HMCN1: variants seen among roughly 807,000 people sequenced by gnomAD.
HMCN1 encodes the protein hemicentin 1.
HMCN1 carries 321 observed loss-of-function variants against 625.9 expected under a neutral mutation model. The ratio of observed to expected loss-of-function variants is 0.51; its 90% confidence interval spans 0.47 to 0.56. HMCN1 has a LOEUF of 0.56. Among genes scored for constraint, HMCN1 ranks in the 20% least tolerant of loss-of-function variants. The pLI, the probability that HMCN1 is intolerant of heterozygous loss-of-function variation, is 0.00. For synonymous variants in HMCN1, 2,425 were observed against 2,417.6 expected (o/e 1.00, Z -0.09); for missense variants, 6,588 against 6,887.3 (o/e 0.96, Z 1.54).
At chr1:186,037,380 T>G (rs1182217979) in intron 36 of HMCN1, among the ~76,000 whole-genome samples, 1 of 152,164 alleles carries the variant, frequency 6.6e-6, no homozygotes, top group Non-Finnish European at 1.5e-5. Context: ...ATCAGCATTA[T>G]CAGTAATTAC....
Position 185,982,242 on chromosome 1 carries a change from T to C in HMCN1, c.2663-20T>C, listed in dbSNP as rs1362304993. On this transcript the variant is annotated intron_variant, in intron 17 of 106. Transcript: ENST00000271588. ...TGGGTGAAATAGAGTTGAAAGTGCC[T>C]GTGCTCTCTCTTGATTTAGTTGCTC... 8 of 1,613,462 alleles carry C rather than the reference T, an allele frequency of 5.0e-6. No homozygotes were observed. The South Asian group carries it at 6.6e-5, about 13-fold the overall frequency.
intron 4 of HMCN1, among the ~76,000 whole-genome samples, chr1:185,867,252 T>C (rs1457594657): frequency 6.6e-6 from 1 of 152,140 alleles, no homozygotes; most frequent in African/African-American, 2.4e-5. Context: ...GACTCAGAAA[T>C]TCCTGGGAAG....
chr1:185,811,691 A>G lies in HMCN1; in HGVS notation c.269-34335A>G, dbSNP rs539373821. Reference sequence around the variant, plus strand: ...TGGTTTTTAAGCTAGGAGACTGGAAAGAAAGAAAAGGCAGTCTTATTTCTC... The same window carrying G: ...TGGTTTTTAAGCTAGGAGACTGGAAGGAAAGAAAAGGCAGTCTTATTTCTC... On this transcript the variant is annotated intron_variant, in intron 1 of 106. Coordinates refer to ENST00000271588, the MANE Select transcript of HMCN1 (RefSeq NM_031935.3). Among the ~76,000 whole-genome samples, 11 of 152,094 alleles carry G rather than the reference A, an allele frequency of 7.2e-5. No homozygotes were observed. In the East Asian group the frequency reaches 2.1e-3, roughly 29 times the overall value.
chr1:186,007,968 T>C (rs1177267742), intron 30 of HMCN1, among the ~76,000 whole-genome samples: 1 of 152,110 alleles, frequency 6.6e-6, no homozygotes, highest in Non-Finnish European at 1.5e-5. Context: ...CTTTCCATGG[T>C]GTATGATGCT....
chr1:185,996,888 A>G (rs1487511176), intron 24 of HMCN1, among the ~76,000 whole-genome samples: 1 of 152,154 alleles, frequency 6.6e-6, no homozygotes, highest in Admixed American at 6.6e-5. Flanking sequence ...CAAAATGAGT[A>G]CAAGTAATGA....
At chr1:185,746,904 G>A (rs531430618) in intron 1 of HMCN1, among the ~76,000 whole-genome samples, 1 of 152,174 alleles carries the variant, frequency 6.6e-6, no homozygotes, top group African/African-American at 2.4e-5. Context: ...ACCGCAACCA[G>A]CCAAATTTTC....
intron 93 of HMCN1, 31 bp from the exon 94 acceptor site, chr1:186,151,169 T>C: frequency 6.2e-7 from 1 of 1,612,284 alleles, no homozygotes; most frequent in Non-Finnish European, 8.5e-7. Flanking sequence ...ATTGCATCCT[T>C]ATCCAGGAAT....
At chr1:185,941,854 A>C (rs1668096452) in intron 11 of HMCN1, among the ~76,000 whole-genome samples, 1 of 152,186 alleles carries the variant, frequency 6.6e-6, no homozygotes, top group Non-Finnish European at 1.5e-5. Flanking sequence ...CTTTAAATAG[A>C]ACTTATAAGG....
At chr1:185,821,214 G>A (rs534460707) in intron 1 of HMCN1, among the ~76,000 whole-genome samples, 2 of 152,152 alleles carry the variant, frequency 1.3e-5, no homozygotes, top group African/African-American at 4.8e-5. Flanking sequence ...GCACCTCTCT[G>A]TAAAGACCAC....
intron 1 of HMCN1, among the ~76,000 whole-genome samples, chr1:185,744,697 A>T (rs1444343789): frequency 1.3e-5 from 2 of 152,206 alleles, no homozygotes; most frequent in East Asian, 3.9e-4. Flanking sequence ...CTGAATTAAG[A>T]TGGTGGTGGT....
intron 102 of HMCN1, 46 bp downstream of exon 102, chr1:186,172,177 C>T: frequency 1.9e-6 from 3 of 1,609,206 alleles, no homozygotes; most frequent in Non-Finnish European, 2.6e-6. Flanking sequence ...TTGCCGTCAA[C>T]AAGTCAAGTA....
chr1:186,053,239 T>A (rs530245418), intron 43 of HMCN1, among the ~76,000 whole-genome samples, 165 bp downstream of exon 43: 2 of 152,236 alleles, frequency 1.3e-5, no homozygotes, highest in African/African-American at 4.8e-5. Context: ...GTGATACTTC[T>A]ACACTTCCCA....
intron 91 of HMCN1, among the ~76,000 whole-genome samples, 157 bp from the exon 92 acceptor site, chr1:186,145,246 C>G (rs1353951569): frequency 1.3e-5 from 2 of 152,242 alleles, no homozygotes; most frequent in African/African-American, 4.8e-5. Flanking sequence ...CGAAGCTAAA[C>G]TATCTTCCTT....
rs987905189 is a variant in HMCN1, at chr1:185,866,415, T to C, written c.621+552T>C. The stretch of plus-strand genomic sequence containing the variant: ...TGTCATAATTTTTTTTTTTTTTTTT[T>C]TTTTTTTGAGGTGAAGTCTCGCTCT... On this transcript the variant is annotated intron_variant, in intron 4 of 106. Coordinates refer to ENST00000271588, the MANE Select transcript of HMCN1 (RefSeq NM_031935.3). Among the ~76,000 whole-genome samples the C allele has an allele frequency of 2.8e-5, 4 of 143,554 alleles. No homozygotes were observed. The South Asian group carries it at 6.8e-4, about 24-fold the overall frequency. 94.2% of individuals were successfully genotyped at this position (143,554 alleles called of 152,430 possible). A position where few individuals can be genotyped will look rare whatever the true frequency, so the allele number is the denominator to read the frequency against.
At chr1:185,991,545 T>C (rs915474692) in intron 22 of HMCN1, among the ~76,000 whole-genome samples, 3 of 152,204 alleles carry the variant, frequency 2.0e-5, no homozygotes, top group African/African-American at 7.2e-5. Context: ...TTTGCCATTG[T>C]AACAAATGGT....
chr1:186,006,136 C>CA (rs34375658), intron 29 of HMCN1, among the ~76,000 whole-genome samples: 1,641 of 63,884 alleles, frequency 0.026, 14 homozygotes, highest in South Asian at 0.069. Context: ...GACTTCATTT[C>CA]AAAAAAAAAA....
At chr1:185,799,467 G>T (rs1032199589) in intron 1 of HMCN1, among the ~76,000 whole-genome samples, 1 of 152,198 alleles carries the variant, frequency 6.6e-6, no homozygotes, top group Non-Finnish European at 1.5e-5. Context: ...CTTGTCCTCA[G>T]ATCTCCCAAT....
intron 47 of HMCN1, 113 bp from the exon 48 acceptor site, chr1:186,062,401 G>A: frequency 4.2e-6 from 3 of 714,616 alleles, no homozygotes; most frequent in Non-Finnish European, 7.6e-6. Context: ...AATGAATGTG[G>A]ATTGGGGGAT....
intron 106 of HMCN1, among the ~76,000 whole-genome samples, 174 bp downstream of exon 106, chr1:186,188,183 T>C (rs1301704533): frequency 6.6e-6 from 1 of 152,164 alleles, no homozygotes; most frequent in Admixed American, 6.6e-5. Context: ...AATGAGCTCA[T>C]CCTGCAGCAG....
Sources: gnomAD v4.1 joint callset for allele counts (sites outside exome capture counted in the v4.1 genomes callset) on GRCh38, gnomAD v4.1.1 for gene constraint, MANE v1.5 for transcripts, NCBI Gene and HGNC (gene_info 2026-07-23, HGNC 2026-07-21) for gene names.